The following RAB10 variants were observed in gnomAD, a reference collection of about 807,000 sequenced individuals.
RAB10 encodes the protein ras-related protein Rab-10.
In RAB10, 5 loss-of-function variants were observed where a neutral mutation model predicts 25.7. The observed-to-expected ratio is 0.19, with a 90% CI of 0.10 to 0.41. RAB10 has a LOEUF of 0.41. Among genes scored for constraint, RAB10 ranks in the 10% least tolerant of loss-of-function variants. The probability of loss-of-function intolerance (pLI) is 1.00; values close to 1 mark genes in which losing one functional copy is unlikely to be tolerated. For missense variants in RAB10, 103 were observed against 245.8 expected, an observed-to-expected ratio of 0.42 and a Z score of 3.89; for synonymous variants, 89 against 86.4, an observed-to-expected ratio of 1.03 and a Z score of -0.16.
At chr2:26,107,947 A>T (rs1667500244) in intron 2 of RAB10, among the ~76,000 whole-genome samples, 1 of 152,198 alleles carries the variant, frequency 6.6e-6, no homozygotes, top group Non-Finnish European at 1.5e-5. Context: ...ATACAGATTA[A>T]TGTGATGATG....
chr2:26,041,144 A>G (rs1274354196), intron 1 of RAB10, among the ~76,000 whole-genome samples: 2 of 152,120 alleles, frequency 1.3e-5, no homozygotes, highest in Admixed American at 6.6e-5. Context: ...CAGGTGGTAC[A>G]ATCAGGATCC....
At chr2:26,072,877 T>C (rs1380892676) in intron 1 of RAB10, among the ~76,000 whole-genome samples, 5 of 152,236 alleles carry the variant, frequency 3.3e-5, no homozygotes, top group African/African-American at 1.2e-4. Flanking sequence ...CATTAAATAC[T>C]TAAATTGTTT....
chr2:26,054,412 A>G (rs1273901287), intron 1 of RAB10, among the ~76,000 whole-genome samples: 3 of 151,720 alleles, frequency 2.0e-5, no homozygotes, highest in African/African-American at 7.3e-5. Flanking sequence ...CTGGTCTGGA[A>G]CTCCTGACCT....
intron 3 of RAB10, among the ~76,000 whole-genome samples, chr2:26,118,160 ACGGGGTTTCACCATGTTGGTCAGG>A (rs1667730608): frequency 6.6e-6 from 1 of 152,070 alleles, no homozygotes; most frequent in Admixed American, 6.6e-5. Flanking sequence ...TTTAGTAGAG[ACGGGGTTTCACCATGTTGGTCAGG>A]CCAGTCTCGA....
At chr2:26,100,256 A>G (rs1559593031) in intron 2 of RAB10, among the ~76,000 whole-genome samples, 1 of 152,252 alleles carries the variant, frequency 6.6e-6, no homozygotes, top group Non-Finnish European at 1.5e-5. Flanking sequence ...AACATTGTAC[A>G]TGTTCACAGT....
chr2:26,071,504 A>G (rs1201741117), intron 1 of RAB10, among the ~76,000 whole-genome samples: 1 of 152,202 alleles, frequency 6.6e-6, no homozygotes, highest in African/African-American at 2.4e-5. Context: ...CATGGCCAAC[A>G]TGGTGAAACC....
chr2:26,049,398 G>GT (rs1037525676), intron 1 of RAB10, among the ~76,000 whole-genome samples: 1 of 150,270 alleles, frequency 6.7e-6, no homozygotes, highest in African/African-American at 2.4e-5. Context: ...CTTTCTGAAA[G>GT]TTTTTTTTCC....
intron 2 of RAB10, among the ~76,000 whole-genome samples, chr2:26,105,256 C>T (rs1667443981): frequency 6.6e-6 from 1 of 152,104 alleles, no homozygotes; most frequent in Non-Finnish European, 1.5e-5. Context: ...ATCTCTGAAT[C>T]TTAGAATGCC....
At chr2:26,086,496 AC>A (rs1666991089) in intron 1 of RAB10, among the ~76,000 whole-genome samples, 1 of 152,226 alleles carries the variant, frequency 6.6e-6, no homozygotes, top group Admixed American at 6.5e-5. Context: ...GAGCCCTTAT[AC>A]GTTGCTCATG....
chr2:26,073,021 T>C (rs1210997106), intron 1 of RAB10, among the ~76,000 whole-genome samples: 3 of 152,200 alleles, frequency 2.0e-5, no homozygotes, highest in Non-Finnish European at 4.4e-5. Flanking sequence ...GGTGTACTTC[T>C]TTCATTGCTT....
At chr2:26,060,261 C>A (rs564842023) in intron 1 of RAB10, among the ~76,000 whole-genome samples, 1 of 152,106 alleles carries the variant, frequency 6.6e-6, no homozygotes, top group African/African-American at 2.4e-5. Flanking sequence ...TCATTTTGTT[C>A]TCACAGTAGT....
intron 1 of RAB10, among the ~76,000 whole-genome samples, chr2:26,045,538 C>T (rs1665983479): frequency 6.6e-6 from 1 of 151,632 alleles, no homozygotes; most frequent in Non-Finnish European, 1.5e-5. Flanking sequence ...CGCGCCCGGC[C>T]GTCTAACAGT....
At chr2:26,070,384 CAT>C (rs1490857184) in intron 1 of RAB10, among the ~76,000 whole-genome samples, 4 of 152,180 alleles carry the variant, frequency 2.6e-5, no homozygotes, top group Admixed American at 2.6e-4. Context: ...TGTTTTAAAA[CAT>C]AGGTACATTT....
At chr2:26,077,521 T>G (rs1317786724) in intron 1 of RAB10, among the ~76,000 whole-genome samples, 5 of 152,214 alleles carry the variant, frequency 3.3e-5, no homozygotes, top group Admixed American at 2.6e-4. Context: ...ATTCAACAGT[T>G]TTTAGGCATT....
chr2:26,099,685 T>G (rs1039002298), intron 2 of RAB10, among the ~76,000 whole-genome samples: 2 of 151,672 alleles, frequency 1.3e-5, no homozygotes, highest in Non-Finnish European at 2.9e-5. Context: ...GGACTATAGG[T>G]GCCCGCCACC....
intron 1 of RAB10, among the ~76,000 whole-genome samples, chr2:26,044,540 C>T (rs901682496): frequency 6.6e-6 from 1 of 151,414 alleles, no homozygotes; most frequent in Non-Finnish European, 1.5e-5. Flanking sequence ...GGCCACATGG[C>T]TAATTAGTTT....
chr2:26,040,296 C>T (rs193089130), intron 1 of RAB10, among the ~76,000 whole-genome samples: 2 of 152,202 alleles, frequency 1.3e-5, no homozygotes, highest in South Asian at 2.1e-4. Context: ...GGACTACAGG[C>T]GAGCACCATC....
chr2:26,053,920 A>C (rs1275261340), intron 1 of RAB10, among the ~76,000 whole-genome samples: 2 of 148,658 alleles, frequency 1.3e-5, no homozygotes, highest in Non-Finnish European at 3.0e-5. Context: ...GGGTTTCATC[A>C]TGTTGGCCAG....
chr2:26,044,136 A>C (rs1665946101), intron 1 of RAB10, among the ~76,000 whole-genome samples: 1 of 152,220 alleles, frequency 6.6e-6, no homozygotes, highest in East Asian at 1.9e-4. Context: ...TAAGATGGCA[A>C]ATTTAATGTT....
Sources: allele counts gnomAD v4.1 joint callset (sites outside exome capture counted in the v4.1 genomes callset), GRCh38; gene constraint gnomAD v4.1.1; transcripts MANE v1.5; gene names NCBI Gene and HGNC (gene_info 2026-07-23, HGNC 2026-07-21).